The following BRD10 variants were observed in gnomAD, a reference collection of about 807,000 sequenced individuals.
BRD10 encodes uncharacterized bromodomain-containing protein 10.
At chr9:5,933,009 G>C in the BRD10 span, among the ~76,000 whole-genome samples, 2 of 152,124 alleles carry the variant, frequency 1.3e-5, no homozygotes, top group African/African-American at 4.8e-5. Context: ...GACAGAATGT[G>C]GATGTAATAA....
At chr9:5,939,982 C>T in the BRD10 span, among the ~76,000 whole-genome samples, 14 of 152,178 alleles carry the variant, frequency 9.2e-5, no homozygotes, top group Admixed American at 2.6e-4. Flanking sequence ...CATCTCTGAT[C>T]TAAGCTTCTG....
At chr9:5,882,837 G>A in the BRD10 span, among the ~76,000 whole-genome samples, 1 of 152,088 alleles carries the variant, frequency 6.6e-6, no homozygotes, top group Non-Finnish European at 1.5e-5. Context: ...CCATAAAAAA[G>A]GATGAGTTCA....
the BRD10 span, chr9:5,924,579 T>C: frequency 9.2e-6 from 7 of 759,044 alleles, no homozygotes; most frequent in Non-Finnish European, 1.4e-5. Flanking sequence ...ATTGACCATA[T>C]TATCTTTTGC....
the BRD10 span, among the ~76,000 whole-genome samples, chr9:5,954,898 G>T: frequency 7.9e-5 from 12 of 152,108 alleles, no homozygotes; most frequent in Non-Finnish European, 1.3e-4. Flanking sequence ...GACCAGCCTA[G>T]TTAACAGGGC....
the BRD10 span, among the ~76,000 whole-genome samples, chr9:5,969,671 G>A: frequency 1.3e-5 from 2 of 152,082 alleles, no homozygotes; most frequent in African/African-American, 2.4e-5. Context: ...AGCCTCCCAA[G>A]TAGCAGGGAT....
At chr9:5,971,525 A>G in the BRD10 span, among the ~76,000 whole-genome samples, 1 of 152,250 alleles carries the variant, frequency 6.6e-6, no homozygotes, top group Non-Finnish European at 1.5e-5. Flanking sequence ...AGATAAATAC[A>G]TAAATAGTAA....
At chr9:5,940,588 A>G in the BRD10 span, among the ~76,000 whole-genome samples, 1 of 152,188 alleles carries the variant, frequency 6.6e-6, no homozygotes, top group African/African-American at 2.4e-5. Context: ...GTGTGTTAAT[A>G]TTGTTTAGTT....
At chr9:5,957,654 T>C in the BRD10 span, among the ~76,000 whole-genome samples, 1 of 152,186 alleles carries the variant, frequency 6.6e-6, no homozygotes, top group South Asian at 2.1e-4. Context: ...TTCTGTTTGG[T>C]TCAGAGCATT....
the BRD10 span, among the ~76,000 whole-genome samples, chr9:5,980,977 C>A: frequency 3.3e-5 from 5 of 152,104 alleles, no homozygotes; most frequent in South Asian, 8.3e-4. Context: ...TCTAACATGA[C>A]CTTCCTATGA....
the BRD10 span, among the ~76,000 whole-genome samples, chr9:5,953,778 T>C: frequency 2.6e-5 from 4 of 151,996 alleles, no homozygotes; most frequent in East Asian, 5.8e-4. Context: ...TAGTAGAGAT[T>C]AAGATATAAA....
the BRD10 span, among the ~76,000 whole-genome samples, chr9:5,965,595 AG>A: frequency 2.0e-5 from 3 of 152,204 alleles, no homozygotes; most frequent in Non-Finnish European, 2.9e-5. Flanking sequence ...ACTTAACCTA[AG>A]CCCCACTGGG....
chr9:5,898,035 G>C, the BRD10 span: 1 of 190,498 alleles, frequency 5.2e-6, no homozygotes, highest in Non-Finnish European at 1.1e-5. Flanking sequence ...AAGGGAGTGA[G>C]AGAGCAAGAG....
At chr9:5,944,852 C>T in the BRD10 span, 3 of 1,335,346 alleles carry the variant, frequency 2.2e-6, no homozygotes, top group Non-Finnish European at 3.1e-6. Flanking sequence ...ATAGATAGAA[C>T]TTTTGGATCA....
At chr9:5,916,406 C>A in the BRD10 span, among the ~76,000 whole-genome samples, 5 of 151,908 alleles carry the variant, frequency 3.3e-5, no homozygotes, top group Non-Finnish European at 5.9e-5. Flanking sequence ...AAAACTATTT[C>A]AATTAATTAT....
At chr9:5,883,421 C>T in the BRD10 span, among the ~76,000 whole-genome samples, 3 of 150,900 alleles carry the variant, frequency 2.0e-5, no homozygotes, top group African/African-American at 7.3e-5. Flanking sequence ...ATTCTTGCTA[C>T]CTGTATCCCA....
chr9:5,969,896 G>C, the BRD10 span, among the ~76,000 whole-genome samples: 1 of 152,046 alleles, frequency 6.6e-6, no homozygotes, highest in African/African-American at 2.4e-5. Flanking sequence ...GTACCATTTT[G>C]CTTTTTTCAG....
the BRD10 span, among the ~76,000 whole-genome samples, chr9:5,990,899 T>C: frequency 5.3e-5 from 8 of 152,212 alleles, no homozygotes; most frequent in Non-Finnish European, 7.3e-5. Flanking sequence ...ACAGATGTAA[T>C]TCAACAACTA....
At chr9:5,969,951 T>C in the BRD10 span, among the ~76,000 whole-genome samples, 72 of 152,342 alleles carry the variant, frequency 4.7e-4, no homozygotes, top group Middle Eastern at 3.4e-3. Context: ...TGATGGAGGA[T>C]TGCTGACATA....
chr9:5,913,302 A>G, the BRD10 span, among the ~76,000 whole-genome samples: 1 of 152,248 alleles, frequency 6.6e-6, no homozygotes, highest in Non-Finnish European at 1.5e-5. Context: ...AGAATATTGC[A>G]GACCTTCTCA....
Sources: gnomAD v4.1 joint callset for allele counts (sites outside exome capture counted in the v4.1 genomes callset) on GRCh38, gnomAD v4.1.1 for gene constraint, MANE v1.5 for transcripts, NCBI Gene and HGNC (gene_info 2026-07-23, HGNC 2026-07-21) for gene names.